The following PREX1 variants were observed in gnomAD, a reference collection of about 807,000 sequenced individuals.
The protein encoded by PREX1 is phosphatidylinositol 3,4,5-trisphosphate-dependent Rac exchanger 1 protein.
A neutral mutation model predicts 198.3 loss-of-function variants in PREX1; 41 were observed. The observed-to-expected ratio is 0.21, with a 90% confidence interval of 0.16 to 0.27. The LOEUF (loss-of-function observed/expected upper bound fraction) is 0.27, where lower values mean the gene tolerates loss of function less well. Ranked by LOEUF, PREX1 falls within the 10% of genes least tolerant of loss-of-function variation. PREX1 has a pLI of 1.00. For synonymous variants in PREX1, 843 were observed against 887.2 expected (o/e 0.95, Z 0.89); for missense variants, 1,620 against 2,200.7 (o/e 0.74, Z 5.28).
chr20:48,726,677 A>G (rs923953971), intron 4 of PREX1, among the ~76,000 whole-genome samples: 3 of 152,224 alleles, frequency 2.0e-5, no homozygotes, highest in African/African-American at 7.2e-5. Flanking sequence ...TTGTTGGGGA[A>G]AAAAAGGCCA....
At chr20:48,717,293 G>A (rs1463833563) in intron 5 of PREX1, among the ~76,000 whole-genome samples, 1 of 151,998 alleles carries the variant, frequency 6.6e-6, no homozygotes, top group Non-Finnish European at 1.5e-5. Context: ...AACTTTCTGG[G>A]GACACCTCAG....
chr20:48,704,539 CCTTT>C (rs1451390773), intron 6 of PREX1, among the ~76,000 whole-genome samples: 6 of 150,964 alleles, frequency 4.0e-5, no homozygotes, highest in African/African-American at 1.5e-4. Context: ...TTCCTTCCTT[CCTTT>C]CCTTCCTTCC....
chr20:48,870,003 C>A, the PREX1 span, among the ~76,000 whole-genome samples: 2 of 152,168 alleles, frequency 1.3e-5, no homozygotes, highest in Middle Eastern at 3.4e-3. Context: ...CAGAACTTAA[C>A]GTAAAATTAA....
the PREX1 span, among the ~76,000 whole-genome samples, chr20:48,833,038 G>A: frequency 2.0e-5 from 3 of 152,156 alleles, no homozygotes; most frequent in South Asian, 4.1e-4. Flanking sequence ...TCCTAATTGT[G>A]TCACTTTGTG....
chr20:48,679,845 GC>G, intron 11 of PREX1, 91 bp from the exon 12 acceptor site: 1 of 930,444 alleles, frequency 1.1e-6, no homozygotes, highest in Non-Finnish European at 1.7e-6. Flanking sequence ...TGCCAGCCAC[GC>G]CCCCTCTGCC....
intron 5 of PREX1, among the ~76,000 whole-genome samples, chr20:48,721,513 C>T (rs532605101): frequency 6.6e-6 from 1 of 152,336 alleles, no homozygotes; most frequent in South Asian, 2.1e-4. Flanking sequence ...GAGGCAGAAA[C>T]CTGCTTGTTG....
intron 14 of PREX1, among the ~76,000 whole-genome samples, chr20:48,669,337 T>G (rs544516712): frequency 2.0e-5 from 3 of 152,216 alleles, no homozygotes; most frequent in South Asian, 4.2e-4. Context: ...ATCCTCTCAA[T>G]AAACGCTCAC....
At chr20:48,676,401 G>T in intron 13 of PREX1, 133 bp from the exon 14 acceptor site, 1 of 793,646 alleles carries the variant, frequency 1.3e-6, no homozygotes, top group Non-Finnish European at 2.1e-6. Flanking sequence ...GCAGGGGTCC[G>T]AGTCTCAGCC....
At chr20:48,838,918 T>A in the PREX1 span, among the ~76,000 whole-genome samples, 3,398 of 133,820 alleles carry the variant, frequency 0.025, 50 homozygotes, top group Middle Eastern at 0.044. Context: ...CCCAGCTACT[T>A]GGGAGGCTGA....
intron 25 of PREX1, among the ~76,000 whole-genome samples, chr20:48,648,784 T>C (rs577932557): frequency 2.0e-5 from 3 of 152,184 alleles, no homozygotes; most frequent in East Asian, 1.9e-4. Context: ...CAAGGTGCCA[T>C]TGAACCACCC....
At chr20:48,846,547 C>T in the PREX1 span, among the ~76,000 whole-genome samples, 8 of 152,172 alleles carry the variant, frequency 5.3e-5, no homozygotes, top group Non-Finnish European at 1.2e-4. Flanking sequence ...ACAACAGTCT[C>T]CACCTTGGTC....
intron 3 of PREX1, among the ~76,000 whole-genome samples, chr20:48,743,952 C>G (rs182039503): frequency 1.3e-5 from 2 of 152,264 alleles, no homozygotes; most frequent in African/African-American, 4.8e-5. Flanking sequence ...ATCTTAGGCT[C>G]TAGCCACTCA....
At position 48,712,731 on chromosome 20, in the gene PREX1, G is replaced by A. The variant is rs555591812; in HGVS notation, c.622-4310C>T. On this transcript the variant is annotated intron_variant, in intron 5 of 39. Transcript: ENST00000371941. ...TGTTAGCTTTGGTGTCTTGGTTCACGGGGCATGTTGGCTCCACTCTGTGGA... is the reference window on the plus strand; with the variant it reads ...TGTTAGCTTTGGTGTCTTGGTTCACAGGGCATGTTGGCTCCACTCTGTGGA... 3.9e-5 allele frequency among the ~76,000 whole-genome samples: 6 copies of A among 152,294 alleles called. No homozygotes were observed. In the East Asian group the frequency reaches 5.8e-4, roughly 15 times the overall value.
At chr20:48,846,687 G>A in the PREX1 span, among the ~76,000 whole-genome samples, 1 of 152,166 alleles carries the variant, frequency 6.6e-6, no homozygotes, top group Admixed American at 6.5e-5. Flanking sequence ...CAGAAACAAT[G>A]CCAGTGGCCC....
At chr20:48,851,777 C>T in the PREX1 span, among the ~76,000 whole-genome samples, 10 of 152,028 alleles carry the variant, frequency 6.6e-5, no homozygotes, top group African/African-American at 1.7e-4. Context: ...CCTGATCGTC[C>T]GTAAATATTG....
chr20:48,747,582 C>G (rs1301893102), intron 2 of PREX1, among the ~76,000 whole-genome samples: 2 of 152,136 alleles, frequency 1.3e-5, no homozygotes, highest in African/African-American at 4.8e-5. Context: ...AAAGTGGGGC[C>G]CGGGGCTAAA....
chr20:48,696,417 C>T (rs563448561), intron 7 of PREX1, among the ~76,000 whole-genome samples: 1 of 152,118 alleles, frequency 6.6e-6, no homozygotes, highest in East Asian at 1.9e-4. Context: ...ACTCACTATT[C>T]GATTCCATTA....
chr20:48,822,131 T>C (rs1187122389), intron 1 of PREX1: 1 of 152,240 alleles, frequency 6.6e-6, no homozygotes, highest in African/African-American at 2.4e-5. Context: ...TAAATCCTGC[T>C]GACACTCAGT....
chr20:48,700,585 A>G (rs1036807361), intron 7 of PREX1, among the ~76,000 whole-genome samples, 168 bp downstream of exon 7: 1 of 152,178 alleles, frequency 6.6e-6, no homozygotes, highest in African/African-American at 2.4e-5. Flanking sequence ...CTACTAGAAC[A>G]TTTAACATAA....
Sources: allele counts gnomAD v4.1 joint callset (sites outside exome capture counted in the v4.1 genomes callset), GRCh38; gene constraint gnomAD v4.1.1; transcripts MANE v1.5; gene names NCBI Gene and HGNC (gene_info 2026-07-23, HGNC 2026-07-21).